DPP6: variants seen among roughly 807,000 people sequenced by gnomAD.
The protein encoded by DPP6 is A-type potassium channel modulatory protein DPP6.
DPP6 carries 69 observed loss-of-function variants against 122.6 expected under a neutral mutation model. The observed-to-expected ratio is 0.56, with a 90% CI of 0.46 to 0.69. The LOEUF is 0.69. DPP6 is among the 30% of genes least tolerant of loss of function. The pLI, the probability that DPP6 is intolerant of heterozygous loss-of-function variation, is 0.00. For missense variants in DPP6, 928 were observed against 1,116.9 expected (o/e 0.83, Z 2.41); for synonymous variants, 418 against 433.1 (o/e 0.97, Z 0.43).
chr7:154,380,658 A>G (rs1289631003), intron 1 of DPP6, among the ~76,000 whole-genome samples: 1 of 152,168 alleles, frequency 6.6e-6, no homozygotes, highest in Admixed American at 6.5e-5. Context: ...GGGGACATCC[A>G]TTCATGCTTT....
At chr7:154,055,135 C>T (rs1408093935) in intron 1 of DPP6, among the ~76,000 whole-genome samples, 1 of 136,298 alleles carries the variant, frequency 7.3e-6, no homozygotes, top group African/African-American at 2.8e-5. Flanking sequence ...TGTGGGTGGG[C>T]GTGTATTGTG....
chr7:154,684,506 C>T (rs1252875900), intron 7 of DPP6, among the ~76,000 whole-genome samples: 5 of 152,154 alleles, frequency 3.3e-5, no homozygotes, highest in African/African-American at 7.2e-5. Flanking sequence ...TCAATTTAAG[C>T]GTAAACTCGA....
intron 16 of DPP6, among the ~76,000 whole-genome samples, chr7:154,831,030 GC>G (rs1197237462): frequency 6.6e-6 from 1 of 152,128 alleles, no homozygotes; most frequent in Non-Finnish European, 1.5e-5. Flanking sequence ...CACCGTCCAC[GC>G]CCAGGTGACC....
chr7:154,875,748 C>T lies in DPP6; in HGVS notation c.1884-158C>T, dbSNP rs573456667. On this transcript the variant is annotated intron_variant, in intron 19 of 25. Coordinates refer to ENST00000377770, the MANE Select transcript of DPP6 (RefSeq NM_130797.4). This position sits in a 1 kb window ranked among gnomAD's most constrained non-coding sequence, Gnocchi z 4.5. ...TATGGGGTGTGGATAACACCTGGCT[C>T]ACCTGCCCGGGGCAACAGAATCTGG... is the stretch of plus-strand genomic sequence containing the variant. Among the ~76,000 whole-genome samples, 63 of 152,276 alleles carry T rather than the reference C, an allele frequency of 4.1e-4. No individual in the cohort carries two copies. The highest frequency in any genetic ancestry group is 1.5e-3 in the African/African-American group (63 of 41,556).
At chr7:154,054,625 A>G (rs965751091) in intron 1 of DPP6, among the ~76,000 whole-genome samples, 32 of 152,028 alleles carry the variant, frequency 2.1e-4, no homozygotes, top group Non-Finnish European at 3.5e-4. Context: ...GCCCTGAGGG[A>G]AATAGACAGA....
chr7:154,679,153 C>T (rs1200527292), intron 7 of DPP6, among the ~76,000 whole-genome samples: 2 of 152,112 alleles, frequency 1.3e-5, no homozygotes, highest in Non-Finnish European at 2.9e-5. Flanking sequence ...GCCCCCTTGT[C>T]CATCACCATC....
rs568814905 is a variant in DPP6 at position 154,501,865 on chromosome 7, CAT to C, written c.457+26829_457+26830del. On this transcript the variant is annotated intron_variant, in intron 3 of 25. Coordinates refer to ENST00000377770, the MANE Select transcript of DPP6 (RefSeq NM_130797.4). ...AGATCCCTTGAAAGCTTGCACCACA[CAT>C]GTTTGAAAAGCTACAGACACTCAAG... Among the ~76,000 whole-genome samples, 16 of 152,312 alleles carry C rather than the reference CAT, an allele frequency of 1.1e-4. No homozygotes were observed. In the East Asian group the frequency reaches 2.1e-3, roughly 20 times the overall value.
At position 154,168,965 on chromosome 7, in the gene DPP6, A is replaced by G. The variant is rs558140614; in HGVS notation, c.243+115902A>G. Among the ~76,000 whole-genome samples the G allele has an allele frequency of 4.6e-5, 7 of 152,308 alleles. No homozygotes were observed. In the East Asian group the frequency reaches 1.2e-3, roughly 25 times the overall value. On this transcript the variant is annotated intron_variant, in intron 1 of 25. Coordinates refer to ENST00000377770, the MANE Select transcript of DPP6 (RefSeq NM_130797.4). ...CAGCAAATGGTAAGACTCGACTTGAACTAACCTTAGACAAAAAAACAAAAA... is the reference window on the plus strand; with the variant it reads ...CAGCAAATGGTAAGACTCGACTTGAGCTAACCTTAGACAAAAAAACAAAAA...
the DPP6 span, among the ~76,000 whole-genome samples, chr7:153,797,280 A>G: frequency 1.3e-5 from 2 of 152,316 alleles, no homozygotes; most frequent in East Asian, 3.9e-4. Context: ...GTAATTTGTT[A>G]TACAATAAGA....
intron 1 of DPP6, among the ~76,000 whole-genome samples, chr7:154,008,510 CCACATAGAAA>C (rs748797834): frequency 0.011 from 1,616 of 152,262 alleles, 3 homozygotes; most frequent in East Asian, 0.042. Context: ...TTTCTCATTA[CCACATAGAAA>C]CACATTTCTA....
At chr7:154,791,447 T>C (rs1797675316) in intron 10 of DPP6, among the ~76,000 whole-genome samples, 1 of 152,026 alleles carries the variant, frequency 6.6e-6, no homozygotes, top group South Asian at 2.1e-4. Flanking sequence ...GAGACTGCCA[T>C]TTATAAAACC....
chr7:153,982,152 C>G (rs1796620054), intron 1 of DPP6, among the ~76,000 whole-genome samples: 1 of 151,912 alleles, frequency 6.6e-6, no homozygotes, highest in Non-Finnish European at 1.5e-5. Flanking sequence ...CAACTTGGTT[C>G]CATTCTTCCT....
chr7:154,435,395 C>T (rs1250067713), intron 1 of DPP6, among the ~76,000 whole-genome samples: 1 of 152,182 alleles, frequency 6.6e-6, no homozygotes, highest in Non-Finnish European at 1.5e-5. Context: ...GTGGAGATGA[C>T]CTCATCGGAT....
intron 5 of DPP6, among the ~76,000 whole-genome samples, chr7:154,612,027 A>G (rs75325848): frequency 2.0e-3 from 310 of 152,328 alleles, no homozygotes; most frequent in African/African-American, 7.3e-3. Flanking sequence ...CAGCCCAATG[A>G]AAGGTGTTTA....
chr7:154,093,196 A>T (rs1443317107), intron 1 of DPP6, among the ~76,000 whole-genome samples: 2 of 149,658 alleles, frequency 1.3e-5, no homozygotes, highest in Non-Finnish European at 3.0e-5. Flanking sequence ...CATGCCACAC[A>T]ACTTACATAC....
At chr7:154,596,760 A>G (rs1460452178) in intron 5 of DPP6, among the ~76,000 whole-genome samples, 3 of 152,214 alleles carry the variant, frequency 2.0e-5, no homozygotes, top group Non-Finnish European at 4.4e-5. Flanking sequence ...TGCCAGTCTG[A>G]ATCTTAGCTT....
At chr7:153,882,350 C>CA (rs1300220613), upstream of DPP6, among the ~76,000 whole-genome samples, 2 of 152,178 alleles carry the variant, frequency 1.3e-5, no homozygotes, top group African/African-American at 4.8e-5. Flanking sequence ...TTTCTTATGT[C>CA]ACGTTGACTG....
intron 1 of DPP6, among the ~76,000 whole-genome samples, chr7:154,070,324 A>C (rs985820416): frequency 1.6e-4 from 24 of 151,828 alleles, no homozygotes; most frequent in African/African-American, 5.8e-4. Flanking sequence ...CAAATTAATT[A>C]TATGGAAGAA....
chr7:154,172,450 G>A (rs765768892), intron 1 of DPP6, among the ~76,000 whole-genome samples: 1 of 152,110 alleles, frequency 6.6e-6, no homozygotes, highest in Admixed American at 6.6e-5. Flanking sequence ...TCTGCATGTT[G>A]TCATTAGCTG....
Sources: allele counts gnomAD v4.1 joint callset (sites outside exome capture counted in the v4.1 genomes callset), GRCh38; gene constraint gnomAD v4.1.1; non-coding constraint Gnocchi (gnomAD v3.1); transcripts MANE v1.5; gene names NCBI Gene and HGNC (gene_info 2026-07-23, HGNC 2026-07-21).